Variants in GPATCH8 observed in about 807,000 individuals in gnomAD.
The protein encoded by GPATCH8 is G patch domain-containing protein 8.
In GPATCH8, 18 loss-of-function variants were observed where a neutral mutation model predicts 118.3. That is an observed-to-expected ratio of 0.15 (90% CI 0.11 to 0.23). GPATCH8 has a LOEUF of 0.23. Ranked by LOEUF, GPATCH8 falls within the 10% of genes least tolerant of loss-of-function variation. The pLI, the probability that GPATCH8 is intolerant of heterozygous loss-of-function variation, is 1.00. For missense variants in GPATCH8, 1,631 were observed against 1,873.8 expected (o/e 0.87, Z 2.39); for synonymous variants, 659 against 684.7 (o/e 0.96, Z 0.59).
At chr17:44,485,742 C>A (rs1968727184) in intron 1 of GPATCH8, among the ~76,000 whole-genome samples, 1 of 152,176 alleles carries the variant, frequency 6.6e-6, no homozygotes, top group South Asian at 2.1e-4. Context: ...CTCTGTGCTC[C>A]TTTAGCTTTA....
intron 2 of GPATCH8, among the ~76,000 whole-genome samples, chr17:44,466,654 T>C (rs1199759304): frequency 2.0e-5 from 3 of 152,164 alleles, no homozygotes; most frequent in Admixed American, 2.0e-4. Context: ...AGTCTCAATA[T>C]AAGTAATGTT....
chr17:44,454,156 T>C (rs1878332509), intron 3 of GPATCH8, among the ~76,000 whole-genome samples: 1 of 152,200 alleles, frequency 6.6e-6, no homozygotes, highest in Non-Finnish European at 1.5e-5. Context: ...ATTTTATTAT[T>C]ATTTAGAGAA....
At chr17:44,405,865 T>A (rs2045088) in intron 7 of GPATCH8, 56 bp downstream of exon 7, 732,278 of 1,258,314 alleles carry the variant, frequency 0.58, 218,641 homozygotes, top group Non-Finnish European at 0.63. Context: ...ATCTATAATT[T>A]AAAATTTTAA....
chr17:44,450,023 G>C (rs1459060320), intron 3 of GPATCH8, among the ~76,000 whole-genome samples: 1 of 152,110 alleles, frequency 6.6e-6, no homozygotes, highest in Non-Finnish European at 1.5e-5. Context: ...AAATATATAG[G>C]TATATAAAAC....
chr17:44,488,996 T>C (rs1444260949), intron 1 of GPATCH8, among the ~76,000 whole-genome samples: 2 of 150,750 alleles, frequency 1.3e-5, no homozygotes, highest in African/African-American at 2.4e-5. Context: ...GAGGCAGAGG[T>C]TGCAGTGAGC....
Position 44,439,065 on chromosome 17 carries a change from A to G in GPATCH8, c.194-2520T>C, listed in dbSNP as rs946796247. Among the ~76,000 whole-genome samples the G allele has an allele frequency of 1.1e-4, 17 of 152,222 alleles. 1 individual carries two copies. The highest frequency in any genetic ancestry group is 1.3e-4 in the Admixed American group (2 of 15,278). The stretch of plus-strand genomic sequence containing the variant: ...CAGGGCCCAAGGTAGGACTTTTAAA[A>G]GAAATGACATCTAAGACTCTATCAG... On this transcript the variant is annotated intron_variant, in intron 3 of 7. Coordinates refer to ENST00000591680, the MANE Select transcript of GPATCH8 (RefSeq NM_001002909.4).
intron 3 of GPATCH8, among the ~76,000 whole-genome samples, chr17:44,454,298 C>T (rs1289263556): frequency 2.0e-5 from 3 of 151,856 alleles, no homozygotes; most frequent in African/African-American, 7.3e-5. Flanking sequence ...CACTACCTTG[C>T]CTAATTTTTA....
intron 1 of GPATCH8, among the ~76,000 whole-genome samples, chr17:44,499,103 T>C (rs1007428976): frequency 1.6e-4 from 24 of 152,218 alleles, no homozygotes; most frequent in African/African-American, 5.1e-4. Flanking sequence ...ACCTTTAACA[T>C]AGCATGTCTT....
chr17:44,404,125 C>G (rs7223275), intron 7 of GPATCH8, among the ~76,000 whole-genome samples: 75,932 of 151,990 alleles, frequency 0.5, 20,664 homozygotes, highest in Middle Eastern at 0.63. Context: ...CAACGCCCCG[C>G]AAACTGAATA....
At chr17:44,461,702 G>A (rs572397406) in intron 3 of GPATCH8, among the ~76,000 whole-genome samples, 29 of 149,710 alleles carry the variant, frequency 1.9e-4, no homozygotes, top group African/African-American at 6.6e-4. Context: ...TTTTTTTTTC[G>A]TGTGTGTGTG....
chr17:44,427,914 T>A (rs949713973), intron 5 of GPATCH8, among the ~76,000 whole-genome samples: 5 of 152,160 alleles, frequency 3.3e-5, no homozygotes, highest in African/African-American at 9.7e-5. Flanking sequence ...TAATCCATCC[T>A]ATATCCATCC....
chr17:44,435,089 T>C lies in GPATCH8; in HGVS notation c.324A>G (p.Thr108=), dbSNP rs539474928. 78 of 1,476,622 alleles carry C rather than the reference T, an allele frequency of 5.3e-5. 4 individuals carry two copies. In the South Asian group the frequency reaches 8.8e-4, roughly 17 times the overall value. 91.5% of individuals were successfully genotyped at this position (1,476,622 alleles called of 1,614,324 possible). A position where few individuals can be genotyped will look rare whatever the true frequency, so the allele number is the denominator to read the frequency against. The change falls in exon 5 of 8, where the codon ACA becomes ACG. Residue 108 remains threonine (T), a synonymous_variant. Coordinates refer to ENST00000591680, the MANE Select transcript of GPATCH8 (RefSeq NM_001002909.4). ...RRVLEVEKED[T]EELRQKYKDY... ...CCTTGTACTTTTGTCTCAGCTCTTC[T>C]GTGTCTTCTTTTTCTACTTCTAGGA...
At chr17:44,496,754 AT>A (rs1208989351) in intron 1 of GPATCH8, among the ~76,000 whole-genome samples, 1 of 152,256 alleles carries the variant, frequency 6.6e-6, no homozygotes, top group Non-Finnish European at 1.5e-5. Flanking sequence ...TAAATTAGGA[AT>A]AAAATACTAA....
chr17:44,402,878 ACAT>A (rs2049080971), intron 7 of GPATCH8, among the ~76,000 whole-genome samples: 1 of 152,168 alleles, frequency 6.6e-6, no homozygotes, highest in South Asian at 2.1e-4. Flanking sequence ...GACAAAAGGA[ACAT>A]CAAGGAGCCT....
Position 44,397,637 on chromosome 17 carries a change from G to C in GPATCH8, c.4440C>G (p.His1480Gln), listed in dbSNP as rs978898308. 3.1e-6 allele frequency: 5 copies of C among 1,613,844 alleles called. No individual in the cohort carries two copies. Among genetic ancestry groups the C allele is most frequent in the Non-Finnish European group, 4.2e-6 (5 of 1,179,816 alleles). Residue 1480 changes from histidine to glutamine, a missense_variant, in exon 8 of 8, where the codon CAC becomes CAG. Coordinates refer to ENST00000591680, the MANE Select transcript of GPATCH8 (RefSeq NM_001002909.4). ...AGATGGGGTGAAGTAGTGGGTGAAG[G>C]TGAAGTGCAGTGGCAGCTGCTGCAG... is the stretch of plus-strand genomic sequence containing the variant. ...RPAAAAATAL[H>Q]LHPLLHPIFS...
intron 2 of GPATCH8, chr17:44,465,970 C>G (rs2051747228): frequency 6.6e-6 from 1 of 152,134 alleles, no homozygotes; most frequent in Non-Finnish European, 1.5e-5. Flanking sequence ...AGCATGCAAC[C>G]TGGAAAACTG....
intron 7 of GPATCH8, among the ~76,000 whole-genome samples, chr17:44,402,047 C>A (rs1368891461): frequency 6.8e-5 from 10 of 147,006 alleles, no homozygotes; most frequent in Admixed American, 6.1e-4. Context: ...ACAGGCCGGG[C>A]GCAGTGGCTC....
At chr17:44,417,292 A>G (rs1037498008) in intron 6 of GPATCH8, among the ~76,000 whole-genome samples, 4 of 152,244 alleles carry the variant, frequency 2.6e-5, no homozygotes, top group African/African-American at 4.8e-5. Context: ...AGTTGCAAAC[A>G]GTTTAGACAA....
Position 44,399,406 on chromosome 17 carries a change from C to CA in GPATCH8, c.2670dup (p.Asp891Ter). ...TCACTGTAGTCACTGTAGCTGTCAT[C>CA]AGAGTAACTGCGCTGTCTACTATAG... On this transcript the variant is annotated frameshift_variant, in exon 8 of 8. Coordinates refer to ENST00000591680, the MANE Select transcript of GPATCH8 (RefSeq NM_001002909.4). LOFTEE classifies it high-confidence loss of function. The CA allele has an allele frequency of 6.2e-7, 1 of 1,614,100 alleles. No individual in the cohort carries two copies. Among genetic ancestry groups the CA allele is most frequent in the Non-Finnish European group, 8.5e-7 (1 of 1,179,938 alleles).
Sources: allele counts gnomAD v4.1 joint callset (sites outside exome capture counted in the v4.1 genomes callset), GRCh38; gene constraint gnomAD v4.1.1; transcripts MANE v1.5; gene names NCBI Gene and HGNC (gene_info 2026-07-23, HGNC 2026-07-21).